TANC1: variants seen among roughly 807,000 people sequenced by gnomAD.
TANC1 encodes protein TANC1.
A neutral mutation model predicts 149.7 loss-of-function variants in TANC1; 77 were observed. That is an observed-to-expected ratio of 0.51 (90% CI 0.43 to 0.62). The LOEUF is 0.62. TANC1 is among the 20% of genes least tolerant of loss of function. TANC1 has a pLI of 0.00. For missense variants in TANC1, 1,985 were observed against 2,321.8 expected (o/e 0.85, Z 2.98); for synonymous variants, 854 against 925.0 (o/e 0.92, Z 1.39).
At chr2:159,136,057 C>CGT (rs1559326444) in intron 4 of TANC1, 137 bp from the exon 5 acceptor site, 41 of 497,264 alleles carry the variant, frequency 8.2e-5, no homozygotes, top group Middle Eastern at 5.6e-4. Flanking sequence ...TGTGCGCGCG[C>CGT]GCGCGTTTAA....
intron 5 of TANC1, among the ~76,000 whole-genome samples, chr2:159,138,854 C>A (rs918503165): frequency 2.0e-5 from 3 of 152,204 alleles, no homozygotes; most frequent in Non-Finnish European, 4.4e-5. Context: ...GAAATACTTT[C>A]CTGCCTCACT....
chr2:159,112,428 G>A (rs181846421), intron 4 of TANC1, among the ~76,000 whole-genome samples: 149 of 151,976 alleles, frequency 9.8e-4, no homozygotes, highest in African/African-American at 3.3e-3. Context: ...GCTAATTTTC[G>A]TATTTTTAGG....
intron 1 of TANC1, among the ~76,000 whole-genome samples, chr2:158,989,984 C>T (rs1435338836): frequency 4.0e-5 from 6 of 151,320 alleles, no homozygotes; most frequent in Admixed American, 1.3e-4. Context: ...GATACAATCT[C>T]GGTTCACTGC....
At chr2:159,016,859 C>G (rs1172281963) in intron 2 of TANC1, among the ~76,000 whole-genome samples, 1 of 152,142 alleles carries the variant, frequency 6.6e-6, no homozygotes, top group Non-Finnish European at 1.5e-5. Context: ...CAGGTGTGAG[C>G]CACTGCACCC....
intron 21 of TANC1, 122 bp from the exon 22 acceptor site, chr2:159,219,570 A>G: frequency 3.0e-6 from 4 of 1,353,260 alleles, no homozygotes; most frequent in Non-Finnish European, 4.2e-6. Context: ...GGCCAGTGTC[A>G]CCCTTCACAG....
intron 2 of TANC1, among the ~76,000 whole-genome samples, chr2:159,031,726 A>G (rs559771402): frequency 1.8e-4 from 27 of 152,360 alleles, no homozygotes; most frequent in African/African-American, 6.0e-4. Context: ...AAGTCACCCA[A>G]TAATCCATTC....
At chr2:159,138,193 T>C (rs2050965112) in intron 5 of TANC1, among the ~76,000 whole-genome samples, 1 of 152,162 alleles carries the variant, frequency 6.6e-6, no homozygotes. Flanking sequence ...ATGAGATCTA[T>C]GGGCTACAAA....
chr2:159,101,769 GC>G (rs1284493484), intron 4 of TANC1, among the ~76,000 whole-genome samples: 1 of 152,084 alleles, frequency 6.6e-6, no homozygotes, highest in Non-Finnish European at 1.5e-5. Flanking sequence ...TAAAGTATCT[GC>G]ATTTATTTTC....
rs752564361 is a variant in TANC1, at chr2:158,981,544, A to G, written c.-126+12762A>G. ...ATATATATATATATATATATATATA[A>G]AGAAGTAACAGCTTAGAGTTTAAAA... On this transcript the variant is annotated intron_variant, in intron 1 of 26. Transcript: ENST00000263635. 2.6e-4 allele frequency among the ~76,000 whole-genome samples: 22 copies of G among 84,712 alleles called. 1 individual carries two copies. The highest frequency in any genetic ancestry group is 7.7e-4 in the African/African-American group (20 of 25,916). 55.6% of individuals were successfully genotyped at this position (84,712 alleles called of 152,430 possible).
At chr2:159,177,100 G>A (rs2055952917) in intron 13 of TANC1, among the ~76,000 whole-genome samples, 1 of 151,788 alleles carries the variant, frequency 6.6e-6, no homozygotes, top group East Asian at 1.9e-4. Context: ...AGTAGAGACG[G>A]ATTTTCACCA....
chr2:159,057,843 G>A (rs1418278175), intron 2 of TANC1, among the ~76,000 whole-genome samples: 2 of 152,202 alleles, frequency 1.3e-5, no homozygotes, highest in Non-Finnish European at 2.9e-5. Context: ...TTTGAAGTGG[G>A]TGGGCTTATG....
chr2:159,149,509 C>T (rs1317735814), intron 6 of TANC1: 2 of 515,218 alleles, frequency 3.9e-6, no homozygotes, highest in Admixed American at 3.1e-5. Context: ...TAGTCACCAC[C>T]CAGAGAATAA....
chr2:159,064,347 C>A (rs552974154), intron 2 of TANC1, among the ~76,000 whole-genome samples: 1 of 152,358 alleles, frequency 6.6e-6, no homozygotes, highest in East Asian at 1.9e-4. Context: ...CTAAGCCATG[C>A]CCCTTCAGTA....
intron 4 of TANC1, among the ~76,000 whole-genome samples, chr2:159,135,289 C>T (rs921400621): frequency 6.6e-6 from 1 of 152,270 alleles, no homozygotes; most frequent in Non-Finnish European, 1.5e-5. Context: ...TTCCTTTCTA[C>T]TGCCCAATAA....
At chr2:159,143,680 C>G (rs912534847) in intron 5 of TANC1, among the ~76,000 whole-genome samples, 28 of 150,394 alleles carry the variant, frequency 1.9e-4, no homozygotes, top group Non-Finnish European at 5.9e-5. Flanking sequence ...ATGTATCTGT[C>G]TGAGGCTGCA....
At chr2:159,070,264 CT>C (rs35153581) in intron 3 of TANC1, among the ~76,000 whole-genome samples, 6,435 of 145,796 alleles carry the variant, frequency 0.044, 279 homozygotes, top group East Asian at 0.15. Flanking sequence ...TTAAAGAAGA[CT>C]TTTTTTTTTT....
intron 3 of TANC1, among the ~76,000 whole-genome samples, chr2:159,077,787 C>A (rs2043848926): frequency 6.6e-6 from 1 of 152,150 alleles, no homozygotes. Context: ...TCTCCTTGTA[C>A]ATAACTGCCT....
At chr2:159,202,051 C>T (rs1262250332) in intron 19 of TANC1, among the ~76,000 whole-genome samples, 2 of 152,228 alleles carry the variant, frequency 1.3e-5, no homozygotes, top group African/African-American at 4.8e-5. Flanking sequence ...TTCAGTGAAT[C>T]TATTCCACAT....
intron 16 of TANC1, among the ~76,000 whole-genome samples, chr2:159,187,695 G>A (rs374352557): frequency 6.6e-6 from 1 of 152,174 alleles, no homozygotes; most frequent in South Asian, 2.1e-4. Flanking sequence ...GATGTACCCG[G>A]CTGCCTGTGG....
Sources: allele counts gnomAD v4.1 joint callset (sites outside exome capture counted in the v4.1 genomes callset), GRCh38; gene constraint gnomAD v4.1.1; transcripts MANE v1.5; gene names NCBI Gene and HGNC (gene_info 2026-07-23, HGNC 2026-07-21).